XYLT2: variants seen among roughly 807,000 people sequenced by gnomAD.
The protein encoded by XYLT2 is UDP-D-xylose:proteoglycan core protein beta-D-xylosyltransferase.
In XYLT2, 37 loss-of-function variants were observed where a neutral mutation model predicts 82.6. The observed-to-expected ratio is 0.45, with a 90% CI of 0.34 to 0.59. XYLT2 has a LOEUF of 0.59. Ranked by LOEUF, XYLT2 falls within the 20% of genes least tolerant of loss-of-function variation. The pLI, the probability that XYLT2 is intolerant of heterozygous loss-of-function variation, is 0.01. For missense variants in XYLT2, 934 were observed against 1,181.3 expected (o/e 0.79, Z 3.07); for synonymous variants, 474 against 499.0 (o/e 0.95, Z 0.67).
chr17:50,354,156 C>A (rs748644132), intron 2 of XYLT2, 34 bp downstream of exon 2: 1 of 1,598,520 alleles, frequency 6.3e-7, no homozygotes, highest in Non-Finnish European at 8.5e-7. Flanking sequence ...CCTTCCCAGG[C>A]GGGGGCAGGG....
chr17:50,354,768 C>T (rs374114563), intron 3 of XYLT2, 86 bp from the exon 4 acceptor site: 12 of 1,582,174 alleles, frequency 7.6e-6, no homozygotes, highest in Middle Eastern at 1.7e-4. Context: ...GTGCTTTCCT[C>T]GTCTTGTGTC....
intron 10 of XYLT2, chr17:50,359,642 A>C: frequency 3.5e-6 from 1 of 289,144 alleles, no homozygotes. Flanking sequence ...GTGCCCGAGT[A>C]CAGGCTTCTG....
intron 9 of XYLT2, chr17:50,357,980 G>A (rs1912623835): frequency 3.6e-6 from 2 of 561,842 alleles, no homozygotes; most frequent in Non-Finnish European, 6.3e-6. Context: ...CCAATAAGGG[G>A]GACTGACCTC....
At chr17:50,351,207 G>C (rs1400685230) in intron 1 of XYLT2, among the ~76,000 whole-genome samples, 1 of 152,218 alleles carries the variant, frequency 6.6e-6, no homozygotes, top group East Asian at 1.9e-4. Flanking sequence ...AAGAGTAGGA[G>C]CTGGAAGACC....
In XYLT2 at chr17:50,360,558, ATTTCTTTTT is replaced by A; in HGVS notation, c.*280_*288del. ...TTCCTCACCTTCCTGTCTAGTTTGA[ATTTCTTTTT>A]TTTCTTTTTTTTTTTTTTTTTTTAA... On this transcript the variant is annotated 3_prime_UTR_variant, in exon 11 of 11. Transcript: ENST00000017003. 3.4e-6 allele frequency: 4 copies of A among 1,175,832 alleles called. No homozygotes were observed. Among genetic ancestry groups the A allele is most frequent in the Non-Finnish European group, 3.1e-6 (3 of 955,650 alleles). 72.8% of individuals were successfully genotyped at this position (1,175,832 alleles called of 1,614,324 possible). A position where few individuals can be genotyped will look rare whatever the true frequency, so the allele number is the denominator to read the frequency against.
intron 1 of XYLT2, among the ~76,000 whole-genome samples, chr17:50,352,211 A>G (rs1445601689): frequency 6.6e-6 from 1 of 152,206 alleles, no homozygotes; most frequent in Non-Finnish European, 1.5e-5. Context: ...TCTCATGCTC[A>G]GTTGTTACTC....
intron 8 of XYLT2, 27 bp from the exon 9 acceptor site, chr17:50,357,030 C>G (rs769350116): frequency 2.6e-6 from 4 of 1,566,948 alleles, no homozygotes; most frequent in Non-Finnish European, 3.5e-6. Flanking sequence ...CTGATGGCAT[C>G]TCCCTTTCTC....
intron 1 of XYLT2, among the ~76,000 whole-genome samples, chr17:50,349,147 G>A (rs749155698): frequency 4.6e-5 from 7 of 152,180 alleles, no homozygotes; most frequent in Non-Finnish European, 7.4e-5. Flanking sequence ...CGTGCCTCAT[G>A]CCCTGCCCTC....
chr17:50,360,462 A>T lies in XYLT2; in HGVS notation c.*171A>T. The T allele has an allele frequency of 7.2e-7, 1 of 1,380,336 alleles. No homozygotes were observed. Among genetic ancestry groups the T allele is most frequent in the Non-Finnish European group, 9.3e-7 (1 of 1,070,054 alleles). The allele number at this position is 1,380,336 out of a possible 1,614,324, so 85.5% of individuals were successfully genotyped here. On this transcript the variant is annotated 3_prime_UTR_variant, in exon 11 of 11. Transcript: ENST00000017003. Reference sequence around the variant, plus strand: ...GTGGACACAGTATGAACTACTGCTGATGTCTCTGTTGGGGATCAGAGGGCT... The same window carrying T: ...GTGGACACAGTATGAACTACTGCTGTTGTCTCTGTTGGGGATCAGAGGGCT...
Position 50,354,651 on chromosome 17 carries a change from CAG to C in XYLT2, c.804+71_804+72del, listed in dbSNP as rs1439163128. 14 of 1,551,200 alleles carry C rather than the reference CAG, an allele frequency of 9.0e-6. No individual in the cohort carries two copies. In the African/African-American group the frequency reaches 1.2e-4, roughly 14 times the overall value. On this transcript the variant is annotated intron_variant, in intron 3 of 10. Coordinates refer to ENST00000017003, the MANE Select transcript of XYLT2 (RefSeq NM_022167.4). Reference sequence around the variant, plus strand: ...GCAGAAACAGAAGGTTGCAGACAGACAGAGTCTCTGACCTGGCCCAGGTAGCC... The same window carrying C: ...GCAGAAACAGAAGGTTGCAGACAGACAGTCTCTGACCTGGCCCAGGTAGCC...
chr17:50,354,746 G>T (rs1912436570), intron 3 of XYLT2, 108 bp from the exon 4 acceptor site: 2 of 1,553,518 alleles, frequency 1.3e-6, no homozygotes, highest in South Asian at 2.3e-5. Context: ...TTAGGGGCTG[G>T]AGCCCTGCCC....
In XYLT2 at chr17:50,357,251, A is replaced by C; in HGVS notation, c.1940A>C (p.Glu647Ala). The part of the protein sequence containing the change: ...SDQASRLQSL[E>A]VGTDWDPKER... Reference sequence around the variant, plus strand: ...CAGGCCAGCCGGCTCCAGAGTCTGGAGGTGGGACAGGTCCCCCACTTGCTT... The same window carrying C: ...CAGGCCAGCCGGCTCCAGAGTCTGGCGGTGGGACAGGTCCCCCACTTGCTT... Residue 647 changes from glutamate (E) to alanine (A), a missense_variant and splice_region_variant, in exon 9 of 11, where the codon GAG (glutamate) becomes GCG (alanine). Glu to Ala is a moderately radical substitution (Grantham distance 107, BLOSUM62 -1). Around this residue, in one of 3 missense-constraint regions of XYLT2, gnomAD observed 374 missense variants for 465.6 expected, o/e 0.80. Coordinates refer to ENST00000017003, the MANE Select transcript of XYLT2 (RefSeq NM_022167.4). The C allele has an allele frequency of 6.3e-7, 1 of 1,580,006 alleles. No homozygotes were observed. Among genetic ancestry groups the C allele is most frequent in the African/African-American group, 1.3e-5 (1 of 74,108 alleles).
At chr17:50,353,007 G>A (rs562108441) in intron 1 of XYLT2, among the ~76,000 whole-genome samples, 23 of 152,166 alleles carry the variant, frequency 1.5e-4, no homozygotes, top group Admixed American at 1.5e-3. Flanking sequence ...CTGCCCCATC[G>A]TTCACAGGGG....
At position 50,358,834 on chromosome 17, in the gene XYLT2, G is replaced by T. The variant is rs957594074; in HGVS notation, c.2275+294G>T. On this transcript the variant is annotated intron_variant, in intron 10 of 10. Coordinates refer to ENST00000017003, the MANE Select transcript of XYLT2 (RefSeq NM_022167.4). ...CCTTCCTGGGCCTCAGTCTTAGCAC[G>T]TGAAGCTGGAATAGTACACCTATCA... is the stretch of plus-strand genomic sequence containing the variant. 9.3e-6 allele frequency: 3 copies of T among 322,846 alleles called. No homozygotes were observed. The East Asian group carries it at 1.6e-4, about 18-fold the overall frequency. 20.0% of individuals were successfully genotyped at this position (322,846 alleles called of 1,614,324 possible). A position where few individuals can be genotyped will look rare whatever the true frequency, so the allele number is the denominator to read the frequency against.
At chr17:50,347,149 G>C (rs932803236) in intron 1 of XYLT2, among the ~76,000 whole-genome samples, 9 of 152,200 alleles carry the variant, frequency 5.9e-5, no homozygotes, top group African/African-American at 1.7e-4. Context: ...GGTCCATTGG[G>C]TCTGGGTTCG....
intron 1 of XYLT2, among the ~76,000 whole-genome samples, chr17:50,347,334 G>A (rs990315789): frequency 1.3e-5 from 2 of 152,194 alleles, no homozygotes; most frequent in African/African-American, 4.8e-5. Flanking sequence ...ACCGCATCTC[G>A]CCAGTCTGGA....
At chr17:50,351,087 C>A (rs1440638587) in intron 1 of XYLT2, among the ~76,000 whole-genome samples, 2 of 152,044 alleles carry the variant, frequency 1.3e-5, no homozygotes, top group Non-Finnish European at 2.9e-5. Flanking sequence ...TGGTTTTTAT[C>A]CTAAGAGGGG....
chr17:50,353,543 C>T, intron 1 of XYLT2, 87 bp from the exon 2 acceptor site: 1 of 1,504,530 alleles, frequency 6.6e-7, no homozygotes, highest in East Asian at 2.5e-5. Context: ...ACATCTAGGT[C>T]TGAGGGTGCC....
intron 1 of XYLT2, among the ~76,000 whole-genome samples, chr17:50,353,266 C>T (rs772349078): frequency 5.3e-5 from 8 of 152,270 alleles, no homozygotes; most frequent in East Asian, 1.9e-4. Flanking sequence ...CTTGTACCCT[C>T]GGTGGGGTCT....
Sources: allele counts gnomAD v4.1 joint callset (sites outside exome capture counted in the v4.1 genomes callset), GRCh38; gene constraint gnomAD v4.1.1; regional missense constraint gnomAD v4.1.1; transcripts MANE v1.5; gene names NCBI Gene and HGNC (gene_info 2026-07-23, HGNC 2026-07-21).